CNTNAP2: variants seen among roughly 807,000 people sequenced by gnomAD.
CNTNAP2 encodes the protein contactin-associated protein-like 2.
Under a neutral mutation model 155.2 loss-of-function variants are expected in CNTNAP2, and 98 were observed. The ratio of observed to expected loss-of-function variants is 0.63; its 90% CI spans 0.54 to 0.75. The LOEUF is 0.75. Ranked by LOEUF, CNTNAP2 falls within the 30% of genes least tolerant of loss-of-function variation. The pLI is 0.00. For missense variants in CNTNAP2, 1,727 were observed against 1,688.1 expected (o/e 1.02, Z -0.40); for synonymous variants, 651 against 631.2 (o/e 1.03, Z -0.47).
intron 6 of CNTNAP2, among the ~76,000 whole-genome samples, chr7:147,126,264 T>C (rs896976900): frequency 6.6e-6 from 1 of 152,202 alleles, no homozygotes; most frequent in Non-Finnish European, 1.5e-5. Context: ...TGTGTACACT[T>C]GAAAGCTAAC....
At chr7:146,855,764 A>C (rs958928851) in intron 3 of CNTNAP2, among the ~76,000 whole-genome samples, 2 of 148,038 alleles carry the variant, frequency 1.4e-5, no homozygotes, top group Non-Finnish European at 3.0e-5. Context: ...ATGAGAGAAG[A>C]CAAGAATGAA....
At chr7:147,930,729 A>G (rs1800486078) in intron 14 of CNTNAP2, among the ~76,000 whole-genome samples, 1 of 152,228 alleles carries the variant, frequency 6.6e-6, no homozygotes, top group African/African-American at 2.4e-5. Flanking sequence ...CCCACCCAAC[A>G]GTGACAGAAT....
rs1798537916 is a variant in CNTNAP2 at position 146,577,153 on chromosome 7, G to T, written c.98-197118G>T. Reference sequence around the variant, plus strand: ...AATATTTAAAGTGAAGACTATGGAAGGAATTTAGTAATGCTTTTGCTAGTT... The same window carrying T: ...AATATTTAAAGTGAAGACTATGGAATGAATTTAGTAATGCTTTTGCTAGTT... On this transcript the variant is annotated intron_variant, in intron 1 of 23. Transcript: ENST00000361727. Among the ~76,000 whole-genome samples the T allele has an allele frequency of 3.3e-5, 5 of 151,964 alleles. No individual in the cohort carries two copies. The South Asian group carries it at 1.0e-3, about 32-fold the overall frequency.
intron 3 of CNTNAP2, among the ~76,000 whole-genome samples, chr7:146,917,585 T>G (rs1043841780): frequency 1.3e-5 from 2 of 152,172 alleles, no homozygotes; most frequent in African/African-American, 4.8e-5. Flanking sequence ...TTGATATGGT[T>G]TGGCTGTGCC....
intron 1 of CNTNAP2, among the ~76,000 whole-genome samples, chr7:146,576,910 T>A (rs934161373): frequency 5.3e-5 from 8 of 152,146 alleles, no homozygotes; most frequent in Non-Finnish European, 1.2e-4. Context: ...GCCTAACTCC[T>A]AAGAGTGGTG....
At chr7:146,875,336 C>T (rs1313695254) in intron 3 of CNTNAP2, among the ~76,000 whole-genome samples, 2 of 152,098 alleles carry the variant, frequency 1.3e-5, no homozygotes, top group Non-Finnish European at 2.9e-5. Flanking sequence ...CTAAAATGGC[C>T]TCAATGTTCC....
intron 1 of CNTNAP2, among the ~76,000 whole-genome samples, chr7:146,490,373 T>C (rs1489779641): frequency 1.3e-5 from 2 of 152,192 alleles, no homozygotes; most frequent in East Asian, 3.9e-4. Flanking sequence ...GAAAAATGTA[T>C]ACTATGCTAA....
At chr7:146,749,275 C>T (rs988321661) in intron 1 of CNTNAP2, among the ~76,000 whole-genome samples, 3 of 151,926 alleles carry the variant, frequency 2.0e-5, no homozygotes, top group Non-Finnish European at 4.4e-5. Context: ...CTTTACTAAA[C>T]CTAACAGCAG....
intron 13 of CNTNAP2, among the ~76,000 whole-genome samples, chr7:147,854,446 T>C (rs1584992563): frequency 6.6e-6 from 1 of 152,296 alleles, no homozygotes; most frequent in East Asian, 1.9e-4. Context: ...AGACTGTGTT[T>C]CTCTTGTGAC....
intron 4 of CNTNAP2, among the ~76,000 whole-genome samples, chr7:147,049,958 G>A (rs1266265184): frequency 6.6e-6 from 1 of 152,100 alleles, no homozygotes; most frequent in African/African-American, 2.4e-5. Context: ...TTCGTTCCAG[G>A]CCACTGCTCT....
chr7:147,740,271 T>G (rs1234655569), intron 13 of CNTNAP2, among the ~76,000 whole-genome samples: 2 of 152,224 alleles, frequency 1.3e-5, no homozygotes, highest in African/African-American at 4.8e-5. Context: ...GCATTTAAAT[T>G]TAGATATCAA....
At chr7:146,439,977 A>G (rs1796297909) in intron 1 of CNTNAP2, among the ~76,000 whole-genome samples, 1 of 151,474 alleles carries the variant, frequency 6.6e-6, no homozygotes, top group South Asian at 2.1e-4. Context: ...TACAAAAATT[A>G]ATCGAGTGTG....
At chr7:147,799,826 G>A (rs1525268) in intron 13 of CNTNAP2, among the ~76,000 whole-genome samples, 24,396 of 152,106 alleles carry the variant, frequency 0.16, 2,114 homozygotes, top group Middle Eastern at 0.26. Flanking sequence ...AGGAAGATTG[G>A]GTCAAGTTAT....
intron 1 of CNTNAP2, among the ~76,000 whole-genome samples, chr7:146,733,181 G>C (rs187343545): frequency 1.2e-3 from 181 of 152,106 alleles, no homozygotes; most frequent in African/African-American, 4.1e-3. Context: ...AAGAGCCCAC[G>C]GGAAATAGGT....
At chr7:147,490,537 TAA>T (rs1491383246) in intron 11 of CNTNAP2, among the ~76,000 whole-genome samples, 1 of 152,192 alleles carries the variant, frequency 6.6e-6, no homozygotes, top group Non-Finnish European at 1.5e-5. Flanking sequence ...ATTTTCAAAA[TAA>T]ATTGAATTCT....
At chr7:146,728,169 A>G (rs552179332) in intron 1 of CNTNAP2, among the ~76,000 whole-genome samples, 1 of 152,090 alleles carries the variant, frequency 6.6e-6, no homozygotes, top group Non-Finnish European at 1.5e-5. Flanking sequence ...GATGAATACG[A>G]TTTAGTTGTG....
intron 9 of CNTNAP2, among the ~76,000 whole-genome samples, chr7:147,310,940 A>G (rs1795112682): frequency 6.6e-6 from 1 of 152,186 alleles, no homozygotes; most frequent in Non-Finnish European, 1.5e-5. Context: ...GAAACAATCC[A>G]GGAGTATAGG....
At chr7:146,615,842 G>C (rs903849014) in intron 1 of CNTNAP2, among the ~76,000 whole-genome samples, 8 of 152,166 alleles carry the variant, frequency 5.3e-5, no homozygotes, top group African/African-American at 1.7e-4. Context: ...CATGTGCTAC[G>C]GTGGTAGTCT....
chr7:147,584,107 T>C (rs373274236), intron 12 of CNTNAP2, among the ~76,000 whole-genome samples: 1 of 152,218 alleles, frequency 6.6e-6, no homozygotes, highest in African/African-American at 2.4e-5. Flanking sequence ...CGTTAGACTA[T>C]GAAAGAGAAG....
Sources: gnomAD v4.1 joint callset for allele counts (sites outside exome capture counted in the v4.1 genomes callset) on GRCh38, gnomAD v4.1.1 for gene constraint, MANE v1.5 for transcripts, NCBI Gene and HGNC (gene_info 2026-07-23, HGNC 2026-07-21) for gene names.